The following MAGI2 variants were observed in gnomAD, a reference collection of about 807,000 sequenced individuals.
The protein encoded by MAGI2 is membrane-associated guanylate kinase, WW and PDZ domain-containing protein 2.
MAGI2 carries 35 observed loss-of-function variants against 133.3 expected under a neutral mutation model. The ratio of observed to expected loss-of-function variants is 0.26; its 90% CI spans 0.20 to 0.35. MAGI2 has a LOEUF of 0.35. Among genes scored for constraint, MAGI2 ranks in the 10% least tolerant of loss-of-function variants. The pLI is 1.00. For synonymous variants in MAGI2, 729 were observed against 710.6 expected (o/e 1.03, Z -0.41); for missense variants, 1,636 against 1,863.4 (o/e 0.88, Z 2.25).
In MAGI2 at chr7:78,019,011, T is replaced by G. The variant is rs1236587577; in HGVS notation, c.*304A>C. Reference sequence around the variant, plus strand: ...TTCATGCAGTGGGGAGGAATATTTTTTTTTCTTAAACTAAAGCTACACTGC... The same window carrying G: ...TTCATGCAGTGGGGAGGAATATTTTGTTTTCTTAAACTAAAGCTACACTGC... On this transcript the variant is annotated 3_prime_UTR_variant, in exon 22 of 22. Coordinates refer to ENST00000354212, the MANE Select transcript of MAGI2 (RefSeq NM_012301.4). 1 of 401,326 alleles carries G rather than the reference T, an allele frequency of 2.5e-6. No homozygotes were observed. The highest frequency in any genetic ancestry group is 3.6e-5 in the East Asian group (1 of 27,972). The allele number at this position is 401,326 out of a possible 1,614,324, so 24.9% of individuals were successfully genotyped here.
chr7:78,771,798 CA>C (rs1172711177), intron 2 of MAGI2, among the ~76,000 whole-genome samples: 3 of 152,050 alleles, frequency 2.0e-5, no homozygotes, highest in African/African-American at 7.2e-5. Flanking sequence ...AAATAAGTGA[CA>C]AAAACACCAA....
intron 1 of MAGI2, among the ~76,000 whole-genome samples, chr7:79,304,963 T>C (rs886601963): frequency 2.0e-5 from 3 of 152,300 alleles, no homozygotes; most frequent in Middle Eastern, 6.8e-3. Flanking sequence ...GATCAGACTC[T>C]AAGCAGGAAG....
intron 2 of MAGI2, among the ~76,000 whole-genome samples, chr7:78,866,436 G>A (rs1475856594): frequency 2.0e-5 from 3 of 151,942 alleles, no homozygotes; most frequent in Non-Finnish European, 2.9e-5. Flanking sequence ...GGGTGGGGGA[G>A]GGAAACATGT....
At chr7:78,339,731 A>G (rs1353362327) in intron 9 of MAGI2, among the ~76,000 whole-genome samples, 2 of 152,218 alleles carry the variant, frequency 1.3e-5, no homozygotes, top group African/African-American at 4.8e-5. Context: ...GTGGATGCTC[A>G]GTAAAATATC....
intron 2 of MAGI2, among the ~76,000 whole-genome samples, chr7:78,764,471 T>C (rs1027592340): frequency 1.5e-4 from 23 of 152,202 alleles, no homozygotes; most frequent in African/African-American, 4.6e-4. Flanking sequence ...ATTTTTGCCT[T>C]TTATACTTAG....
intron 6 of MAGI2, among the ~76,000 whole-genome samples, chr7:78,476,130 C>T (rs1331438796): frequency 2.0e-5 from 3 of 151,872 alleles, no homozygotes; most frequent in Non-Finnish European, 4.4e-5. Context: ...CAACAAGTGT[C>T]TGTCATATGG....
intron 1 of MAGI2, among the ~76,000 whole-genome samples, chr7:79,027,442 T>C (rs1810009142): frequency 6.6e-6 from 1 of 152,028 alleles, no homozygotes; most frequent in Non-Finnish European, 1.5e-5. Flanking sequence ...CTAAGTGGAA[T>C]AAGCTAGGCA....
In MAGI2 at chr7:78,019,590, C is replaced by T. The variant is rs1477838961; in HGVS notation, c.4093G>A (p.Gly1365Arg). The change falls in exon 22 of 22, where the codon GGG becomes AGG. Residue 1365 changes from glycine (G) to arginine (R), a missense_variant. Coordinates refer to ENST00000354212, the MANE Select transcript of MAGI2 (RefSeq NM_012301.4). ...ADAADAARAGGKEAPRAAAGS... is the reference protein window; with the variant it reads ...ADAADAARAGRKEAPRAAAGS... ...GCCGCCGCACGGGGCGCCTCCTTCC[C>T]GCCCGCCCGCGCCGCGTCCGCCGCG... 3.1e-6 allele frequency: 3 copies of T among 980,582 alleles called. No homozygotes were observed. Among genetic ancestry groups the T allele is most frequent in the Admixed American group, 1.3e-4 (2 of 15,720 alleles). 60.7% of individuals were successfully genotyped at this position (980,582 alleles called of 1,614,324 possible).
intron 4 of MAGI2, chr7:78,519,270 A>T (rs1796298107): frequency 6.6e-6 from 1 of 152,148 alleles, no homozygotes; most frequent in Non-Finnish European, 1.5e-5. Flanking sequence ...AAGGACTGGG[A>T]TTGTCAAAGG....
intron 9 of MAGI2, among the ~76,000 whole-genome samples, chr7:78,324,170 C>CACACTACACTACACTACACACT (rs1788328436): frequency 7.9e-6 from 1 of 127,216 alleles, no homozygotes; most frequent in South Asian, 2.8e-4. Flanking sequence ...CACTACACTA[C>CACACTACACTACACTACACACT]ACACTACACT....
intron 1 of MAGI2, among the ~76,000 whole-genome samples, chr7:79,136,068 GGAAAGAAAGAAA>G (rs368094018): frequency 0.04 from 3,819 of 94,438 alleles, 105 homozygotes; most frequent in Admixed American, 0.054. Flanking sequence ...AAAGAAAGAA[GGAAAGAAAGAAA>G]GAAAGAAAGA....
intron 1 of MAGI2, among the ~76,000 whole-genome samples, chr7:79,235,389 C>G (rs962284803): frequency 6.6e-6 from 1 of 152,110 alleles, no homozygotes; most frequent in Admixed American, 6.5e-5. Context: ...GCCCCTCCCC[C>G]AGCCTCGCTG....
chr7:78,660,537 T>C (rs1257281179), intron 2 of MAGI2, among the ~76,000 whole-genome samples: 1 of 152,064 alleles, frequency 6.6e-6, no homozygotes, highest in Non-Finnish European at 1.5e-5. Flanking sequence ...TCACAGAAGA[T>C]TATGGATTCA....
At position 78,612,709 on chromosome 7, in the gene MAGI2, G is replaced by A. The variant is rs999153152; in HGVS notation, c.538+14411C>T. On this transcript the variant is annotated intron_variant, in intron 3 of 21. Transcript: ENST00000354212. ...TTTTGAGGCGGGGTCTCGCTCTGTC[G>A]CCCAGGCCGGAGTGCAGTGGAGGGA... 8.6e-5 allele frequency among the ~76,000 whole-genome samples: 13 copies of A among 151,346 alleles called. No homozygotes were observed. The East Asian group carries it at 1.2e-3, about 14-fold the overall frequency.
rs575661095 is a variant in MAGI2, at chr7:79,259,441, G to A, written c.301+193579C>T. ...AATTTCTTATGCATCATCTGGATATGCTACATTGAGGAGGCATACCTATTA... is the reference window on the plus strand; with the variant it reads ...AATTTCTTATGCATCATCTGGATATACTACATTGAGGAGGCATACCTATTA... On this transcript the variant is annotated intron_variant, in intron 1 of 21. Transcript: ENST00000354212. Among the ~76,000 whole-genome samples the A allele has an allele frequency of 8.5e-5, 13 of 152,286 alleles. No homozygotes were observed. The Middle Eastern group carries it at 0.017, about 199-fold the overall frequency.
At chr7:78,601,362 T>C (rs1329470074) in intron 3 of MAGI2, among the ~76,000 whole-genome samples, 1 of 152,166 alleles carries the variant, frequency 6.6e-6, no homozygotes, top group Non-Finnish European at 1.5e-5. Flanking sequence ...TGGAAATGGG[T>C]CCCAAAGATT....
chr7:79,102,673 G>C (rs1004720446), intron 1 of MAGI2, among the ~76,000 whole-genome samples: 2 of 152,052 alleles, frequency 1.3e-5, no homozygotes, highest in African/African-American at 4.8e-5. Context: ...TTAAAAACCT[G>C]ATCATTTGTA....
At chr7:78,342,743 A>C (rs1338098527) in intron 9 of MAGI2, among the ~76,000 whole-genome samples, 2 of 152,170 alleles carry the variant, frequency 1.3e-5, no homozygotes, top group Non-Finnish European at 2.9e-5. Flanking sequence ...CTTACTCATA[A>C]GTGGGAGTTG....
chr7:79,039,868 A>G (rs984466591), intron 1 of MAGI2, among the ~76,000 whole-genome samples: 3 of 144,780 alleles, frequency 2.1e-5, no homozygotes, highest in African/African-American at 7.6e-5. Context: ...TATATATATA[A>G]TATATATGTA....
Sources: gnomAD v4.1 joint callset for allele counts (sites outside exome capture counted in the v4.1 genomes callset) on GRCh38, gnomAD v4.1.1 for gene constraint, MANE v1.5 for transcripts, NCBI Gene and HGNC (gene_info 2026-07-23, HGNC 2026-07-21) for gene names.